ARID4B: variants seen among roughly 807,000 people sequenced by gnomAD.
The protein encoded by ARID4B is AT-rich interactive domain-containing protein 4B.
ARID4B carries 26 observed loss-of-function variants against 147.5 expected under a neutral mutation model. That is an observed-to-expected ratio of 0.18 (90% CI 0.13 to 0.24). The LOEUF (loss-of-function observed/expected upper bound fraction) is 0.24, where lower values mean the gene tolerates loss of function less well. Among genes scored for constraint, ARID4B ranks in the 10% least tolerant of loss-of-function variants. The pLI is 1.00. For missense variants in ARID4B, 1,179 were observed against 1,511.5 expected (o/e 0.78, Z 3.65); for synonymous variants, 512 against 507.9 (o/e 1.01, Z -0.11).
chr1:235,185,504 T>C (rs1253562142), intron 19 of ARID4B, among the ~76,000 whole-genome samples: 1 of 152,230 alleles, frequency 6.6e-6, no homozygotes. Flanking sequence ...CTCTAACAGC[T>C]GTCATCCGGG....
chr1:235,297,419 A>T (rs1672815358), intron 2 of ARID4B, among the ~76,000 whole-genome samples: 1 of 152,216 alleles, frequency 6.6e-6, no homozygotes, highest in Non-Finnish European at 1.5e-5. Context: ...TCTAGATTTT[A>T]AAGACAGTAA....
At chr1:235,172,555 C>T (rs917668498) in intron 23 of ARID4B, 63 bp downstream of exon 23, 17 of 1,225,890 alleles carry the variant, frequency 1.4e-5, no homozygotes, top group East Asian at 1.1e-4. Context: ...TCCAGCCTGG[C>T]GACAAGAGTG....
At chr1:235,174,629 C>G (rs761367738) in intron 22 of ARID4B, among the ~76,000 whole-genome samples, 3 of 147,870 alleles carry the variant, frequency 2.0e-5, no homozygotes, top group Admixed American at 2.0e-4. Flanking sequence ...GGTGAAACCC[C>G]ATGTCTACTA....
chr1:235,283,284 TAAC>T (rs1460205161), intron 2 of ARID4B, among the ~76,000 whole-genome samples: 1 of 152,148 alleles, frequency 6.6e-6, no homozygotes, highest in Non-Finnish European at 1.5e-5. Flanking sequence ...TGTCATACCA[TAAC>T]TGCCTTATCA....
intron 20 of ARID4B, chr1:235,181,073 AAGTT>A: frequency 3.0e-6 from 3 of 1,010,914 alleles, no homozygotes; most frequent in Non-Finnish European, 3.6e-6. Flanking sequence ...AAACTCACAC[AAGTT>A]AGTCAGGCTT....
intron 2 of ARID4B, among the ~76,000 whole-genome samples, chr1:235,318,168 CTTTTTTTTTT>C (rs372816686): frequency 2.7e-5 from 3 of 111,988 alleles, no homozygotes; most frequent in East Asian, 2.2e-4. Flanking sequence ...CTTGCTACTC[CTTTTTTTTTT>C]TTTTTTTTTT....
intron 16 of ARID4B, among the ~76,000 whole-genome samples, chr1:235,217,194 T>A (rs1667147279): frequency 6.6e-6 from 1 of 152,128 alleles, no homozygotes. Context: ...AAATTCACTT[T>A]AATAATACAC....
chr1:235,238,957 A>G (rs1466310828), intron 8 of ARID4B, among the ~76,000 whole-genome samples: 2 of 151,254 alleles, frequency 1.3e-5, no homozygotes, highest in Admixed American at 1.3e-4. Flanking sequence ...AAAATTTTAA[A>G]GAGTTCAAGA....
intron 2 of ARID4B, among the ~76,000 whole-genome samples, chr1:235,263,626 T>C (rs1203882756): frequency 6.6e-6 from 1 of 152,192 alleles, no homozygotes; most frequent in African/African-American, 2.4e-5. Context: ...GGCAATATTT[T>C]CTTTCCTTCA....
At chr1:235,295,670 C>T (rs1483740075) in intron 2 of ARID4B, among the ~76,000 whole-genome samples, 2 of 151,712 alleles carry the variant, frequency 1.3e-5, no homozygotes, top group African/African-American at 4.8e-5. Context: ...ATTAGCCAGG[C>T]ATGGTGGAGG....
intron 2 of ARID4B, among the ~76,000 whole-genome samples, chr1:235,288,350 C>T (rs536978298): frequency 2.0e-5 from 3 of 152,212 alleles, no homozygotes; most frequent in Admixed American, 2.0e-4. Context: ...ACTCAATTCC[C>T]ATTAATAATC....
intron 2 of ARID4B, among the ~76,000 whole-genome samples, chr1:235,322,538 T>C (rs10925436): frequency 0.15 from 23,051 of 152,258 alleles, 2,312 homozygotes; most frequent in Non-Finnish European, 0.22. Flanking sequence ...TCAGCTTAGA[T>C]GTCAACTCCA....
intron 17 of ARID4B, among the ~76,000 whole-genome samples, chr1:235,198,517 T>C (rs1195902498): frequency 6.6e-6 from 1 of 152,138 alleles, no homozygotes; most frequent in African/African-American, 2.4e-5. Flanking sequence ...AACATACACA[T>C]AAATAATAAA....
At chr1:235,303,399 C>CA (rs1673326783) in intron 2 of ARID4B, among the ~76,000 whole-genome samples, 1 of 150,584 alleles carries the variant, frequency 6.6e-6, no homozygotes, top group African/African-American at 2.4e-5. Context: ...AAAAGCAAAG[C>CA]AAAAAACAAA....
intron 19 of ARID4B, among the ~76,000 whole-genome samples, chr1:235,191,021 G>A (rs1317190504): frequency 6.6e-6 from 1 of 152,106 alleles, no homozygotes; most frequent in Admixed American, 6.6e-5. Context: ...TATTTATCTT[G>A]TTTCAACTAT....
At chr1:235,279,283 T>C (rs1302722645) in intron 2 of ARID4B, among the ~76,000 whole-genome samples, 2 of 152,116 alleles carry the variant, frequency 1.3e-5, no homozygotes, top group African/African-American at 2.4e-5. Context: ...GTAATAGATA[T>C]GCTCAGAAAC....
At chr1:235,190,386 T>C (rs2102948395) in intron 19 of ARID4B, among the ~76,000 whole-genome samples, 1 of 151,994 alleles carries the variant, frequency 6.6e-6, no homozygotes, top group East Asian at 1.9e-4. Context: ...AGGCAGAGGC[T>C]GCAGTAAGCC....
At position 235,182,101 on chromosome 1, in the gene ARID4B, G is replaced by A. The variant is rs1206879893; in HGVS notation, c.2818C>T (p.Leu940=). 1 of 1,613,996 alleles carries A rather than the reference G, an allele frequency of 6.2e-7. No homozygotes were observed. The highest frequency in any genetic ancestry group is 1.3e-5 in the African/African-American group (1 of 74,910). ...TCAGAGTCTGAAAAAAGCTCTTTCA[G>A]CGTTTTTTTAGGCCACTGTCCCTGA... ...SIQGQWPKKT[L]KELFSDSDTE... is the part of the protein sequence containing the mutation. Residue 940 remains leucine (L), a synonymous_variant, in exon 20 of 24, where the codon CTG becomes TTG. Transcript: ENST00000264183.
chr1:235,313,368 G>A (rs1274971848), intron 2 of ARID4B, among the ~76,000 whole-genome samples: 1 of 151,758 alleles, frequency 6.6e-6, no homozygotes, highest in African/African-American at 2.4e-5. Context: ...ATAGACATAA[G>A]CCAAGCTGCT....
Sources: gnomAD v4.1 joint callset for allele counts (sites outside exome capture counted in the v4.1 genomes callset) on GRCh38, gnomAD v4.1.1 for gene constraint, MANE v1.5 for transcripts, NCBI Gene and HGNC (gene_info 2026-07-23, HGNC 2026-07-21) for gene names.